The following PPRC1 variants were observed in gnomAD, a reference collection of about 807,000 sequenced individuals.
The protein encoded by PPRC1 is PPARG related coactivator 1, also known as peroxisome proliferator-activated receptor gamma coactivator-related protein 1.
PPRC1 carries 23 observed loss-of-function variants against 132.5 expected under a neutral mutation model. That is an observed-to-expected ratio of 0.17 (90% CI 0.12 to 0.25). The LOEUF (loss-of-function observed/expected upper bound fraction) is 0.25. Ranked by LOEUF, PPRC1 falls within the 10% of genes least tolerant of loss-of-function variation. The pLI is 1.00. For missense variants in PPRC1, 2,006 were observed against 2,089.1 expected (o/e 0.96, Z 0.78); for synonymous variants, 872 against 833.5 (o/e 1.05, Z -0.80).
chr10:102,148,907 G>C lies in PPRC1; in HGVS notation c.4708G>C (p.Glu1570Gln). The part of the protein sequence containing the change: ...KQRFSVFGEI[E>Q]ECTIHFRVQG... Reference sequence around the variant, plus strand: ...GAGGTTCTCCGTTTTTGGAGAGATTGAGGAGTGCACCATCCACTTCCGTGT... The same window carrying C: ...GAGGTTCTCCGTTTTTGGAGAGATTCAGGAGTGCACCATCCACTTCCGTGT... Residue 1570 changes from glutamate (E) to glutamine (Q), a missense_variant, in exon 12 of 14, where the codon GAG (glutamate) becomes CAG (glutamine). Physicochemically the swap from Glu to Gln is conservative, Grantham distance 29. Transcript: ENST00000278070. This position sits in a 1 kb window ranked among gnomAD's most constrained non-coding sequence, Gnocchi z 4.2. The C allele has an allele frequency of 3.7e-6, 6 of 1,614,206 alleles. No individual in the cohort carries two copies. The highest frequency in any genetic ancestry group is 5.1e-6 in the Non-Finnish European group (6 of 1,180,026).
chr10:102,120,614 G>A, the PPRC1 span, among the ~76,000 whole-genome samples: 1 of 151,886 alleles, frequency 6.6e-6, no homozygotes, highest in Admixed American at 6.5e-5. Flanking sequence ...CCGCGCGGCG[G>A]GCGGGCGGCG....
Position 102,148,378 on chromosome 10 carries a change from C to A in PPRC1, c.4407C>A (p.Ser1469Arg), listed in dbSNP as rs755158437. Reference protein sequence around the residue: ...SPPHKRWRRSSCSSSGRSRRC... With the variant: ...SPPHKRWRRSRCSSSGRSRRC... ...ATGCCCTCTTATCCTTCAGGTCCAG[C>A]TGTAGTTCCTCTGGACGTTCTCGAA... The change falls in exon 10 of 14, where the codon AGC (serine) becomes AGA (arginine). Residue 1469 changes from serine to arginine, a missense_variant. Transcript: ENST00000278070. This position sits in a 1 kb window ranked among gnomAD's most constrained non-coding sequence, Gnocchi z 4.2. 6.2e-7 allele frequency: 1 copy of A among 1,613,058 alleles called. No individual in the cohort carries two copies.
chr10:102,147,077 A>AGGCAGATCC lies in PPRC1; in HGVS notation c.4086_4094dup (p.Ala1363_Pro1365dup). On this transcript the variant is annotated inframe_insertion, in exon 9 of 14. Coordinates refer to ENST00000278070, the MANE Select transcript of PPRC1 (RefSeq NM_015062.5). Reference sequence around the variant, plus strand: ...CTTGATCACAGGACTAGCAGTGAGCAGGCAGATCCCTCAGCACCCTGCCTT... The same window carrying AGGCAGATCC: ...CTTGATCACAGGACTAGCAGTGAGCAGGCAGATCCGGCAGATCCCTCAGCACCCTGCCTT... 6.2e-7 allele frequency: 1 copy of AGGCAGATCC among 1,614,194 alleles called. No homozygotes were observed. The highest frequency in any genetic ancestry group is 8.5e-7 in the Non-Finnish European group (1 of 1,180,028).
chr10:102,125,864 CTTT>C, the PPRC1 span, among the ~76,000 whole-genome samples: 1 of 137,990 alleles, frequency 7.2e-6, no homozygotes, highest in Non-Finnish European at 1.6e-5. Flanking sequence ...TCTTTCTTTT[CTTT>C]TTTTTTTTTT....
At chr10:102,133,624 C>T (rs1433754628) in intron 1 of PPRC1, among the ~76,000 whole-genome samples, 3 of 151,974 alleles carry the variant, frequency 2.0e-5, no homozygotes, top group Non-Finnish European at 2.9e-5. Context: ...TCCCCTCCCC[C>T]TCTAGGCGGC....
chr10:102,127,740 C>T, the PPRC1 span, among the ~76,000 whole-genome samples: 15 of 151,744 alleles, frequency 9.9e-5, no homozygotes, highest in African/African-American at 2.9e-4. Context: ...TTAGTAGAGA[C>T]GGGGTTTCAC....
Position 102,147,065 on chromosome 10 carries a change from C to G in PPRC1, c.4073C>G (p.Thr1358Ser), listed in dbSNP as rs1455570645. Residue 1358 changes from threonine to serine, a missense_variant, in exon 9 of 14, where the codon ACT becomes AGT. This residue lies in a region of PPRC1 where 1,914 missense variants were observed against 1,917.2 expected (regional missense o/e 1.00). Transcript: ENST00000278070. ...AASREPLDHRTSSEQADPSAP... is the reference protein window; with the variant it reads ...AASREPLDHRSSSEQADPSAP... ...TCCCGGGAGCCGCTTGATCACAGGACTAGCAGTGAGCAGGCAGATCCCTCA... is the reference window on the plus strand; with the variant it reads ...TCCCGGGAGCCGCTTGATCACAGGAGTAGCAGTGAGCAGGCAGATCCCTCA... The G allele has an allele frequency of 6.2e-7, 1 of 1,614,042 alleles. No homozygotes were observed. The highest frequency in any genetic ancestry group is 8.5e-7 in the Non-Finnish European group (1 of 1,180,020).
chr10:102,149,915 T>C lies in PPRC1; in HGVS notation c.4892-11T>C, dbSNP rs1361185010. On this transcript the variant is annotated splice_polypyrimidine_tract_variant and intron_variant, in intron 13 of 13. Coordinates refer to ENST00000278070, the MANE Select transcript of PPRC1 (RefSeq NM_015062.5). ...GGTCAGAGACCTTGAAGTTTGTCTTTACCTTTATAGACTCCAACCGGGAAG... is the reference window on the plus strand; with the variant it reads ...GGTCAGAGACCTTGAAGTTTGTCTTCACCTTTATAGACTCCAACCGGGAAG... The C allele has an allele frequency of 2.1e-5, 33 of 1,595,274 alleles. No individual in the cohort carries two copies. The highest frequency in any genetic ancestry group is 2.8e-5 in the Non-Finnish European group (33 of 1,162,998).
chr10:102,139,217 T>A lies in PPRC1; in HGVS notation c.709T>A (p.Ser237Thr). 1 of 1,613,816 alleles carries A rather than the reference T, an allele frequency of 6.2e-7. No individual in the cohort carries two copies. The highest frequency in any genetic ancestry group is 2.2e-5 in the East Asian group (1 of 44,862). Residue 237 changes from serine (S) to threonine (T), a missense_variant, in exon 5 of 14, where the codon TCC becomes ACC. Ser to Thr is a moderately conservative substitution (Grantham distance 58). Around this residue, in one of 2 missense-constraint regions of PPRC1, gnomAD observed 1,914 missense variants for 1,917.2 expected, o/e 1.00. Transcript: ENST00000278070. ...PPRSRPRWGQ[S>T]PPPQQRSDGE... ...AAGATCAAGACCACGCTGGGGCCAA[T>A]CCCCACCTCCCCAGCAGCGCAGTGA...
chr10:102,145,010 C>A lies in PPRC1; in HGVS notation c.3609-10C>A. On this transcript the variant is annotated splice_polypyrimidine_tract_variant and intron_variant, in intron 7 of 13. Coordinates refer to ENST00000278070, the MANE Select transcript of PPRC1 (RefSeq NM_015062.5). ...AATGAATCAGGCTTTCCCTTTTCCC[C>A]CCCCGCCAGCGGCGTTGACATTCCC... The A allele has an allele frequency of 6.4e-7, 1 of 1,562,872 alleles. No individual in the cohort carries two copies.
Position 102,139,683 on chromosome 10 carries a change from C to T in PPRC1, c.1175C>T (p.Pro392Leu), listed in dbSNP as rs372304875. The T allele has an allele frequency of 2.8e-5, 45 of 1,613,984 alleles. No homozygotes were observed. The highest frequency in any genetic ancestry group is 3.6e-5 in the Non-Finnish European group (42 of 1,180,062). ...ETSSALQLLM[P>L]TLESETEAAV... ...AGTTCTGCCTTGCAGCTGCTTATGC[C>T]TACACTGGAGTCAGAGACAGAGGCT... Residue 392 changes from proline (P) to leucine (L), a missense_variant, in exon 5 of 14, where the codon CCT (proline) becomes CTT (leucine). Physicochemically the swap from Pro to Leu is moderately conservative, Grantham distance 98. This residue lies in a region of PPRC1 where 1,914 missense variants were observed against 1,917.2 expected (regional missense o/e 1.00). Transcript: ENST00000278070.
Position 102,133,086 on chromosome 10 carries a change from A to C in PPRC1, c.18A>C (p.Gly6=). 1.6e-6 allele frequency: 2 copies of C among 1,242,850 alleles called. No individual in the cohort carries two copies. The highest frequency in any genetic ancestry group is 1.0e-6 in the Non-Finnish European group (1 of 988,014). The allele number at this position is 1,242,850 out of a possible 1,614,324, so 77.0% of individuals were successfully genotyped here. A position where few individuals can be genotyped will look rare whatever the true frequency, so the allele number is the denominator to read the frequency against. The change falls in exon 1 of 14, where the codon GGA becomes GGC. Residue 6 remains glycine (G), a synonymous_variant. Coordinates refer to ENST00000278070, the MANE Select transcript of PPRC1 (RefSeq NM_015062.5). ...GGGCCAAGATGGCGGCGCGCCGGGG[A>C]CGGAGAGACGGAGTCGCGCCGCCCC... MAARR[G]RRDGVAPPPS...
chr10:102,146,868 C>T lies in PPRC1; in HGVS notation c.3876C>T (p.Gly1292=). Residue 1292 remains glycine, a synonymous_variant, in exon 9 of 14, where the codon GGC becomes GGT. Coordinates refer to ENST00000278070, the MANE Select transcript of PPRC1 (RefSeq NM_015062.5). ...ATGGCCCTAGTCGAGTCCATGTGGG[C>T]TCTGGGGACCATGACTATTGTGTCC... The part of the protein sequence containing the change: ...GVHGPSRVHV[G]SGDHDYCVRS... The T allele has an allele frequency of 6.2e-7, 1 of 1,614,084 alleles. No homozygotes were observed. Among genetic ancestry groups the T allele is most frequent in the Non-Finnish European group, 8.5e-7 (1 of 1,179,986 alleles).
At position 102,146,862 on chromosome 10, in the gene PPRC1, T is replaced by A. The variant is rs764210231; in HGVS notation, c.3870T>A (p.His1290Gln). The A allele has an allele frequency of 6.2e-7, 1 of 1,613,926 alleles. No individual in the cohort carries two copies. The highest frequency in any genetic ancestry group is 1.3e-5 in the African/African-American group (1 of 74,888). The change falls in exon 9 of 14, where the codon CAT (histidine) becomes CAA (glutamine). Residue 1290 changes from histidine (H) to glutamine (Q), a missense_variant. By Grantham distance (24) the His-to-Gln change is conservative. This residue lies in a region of PPRC1 where 1,914 missense variants were observed against 1,917.2 expected (regional missense o/e 1.00). Coordinates refer to ENST00000278070, the MANE Select transcript of PPRC1 (RefSeq NM_015062.5). Reference protein sequence around the residue: ...QEGVHGPSRVHVGSGDHDYCV... With the variant: ...QEGVHGPSRVQVGSGDHDYCV... ...GGGTCCATGGCCCTAGTCGAGTCCATGTGGGCTCTGGGGACCATGACTATT... is the reference window on the plus strand; with the variant it reads ...GGGTCCATGGCCCTAGTCGAGTCCAAGTGGGCTCTGGGGACCATGACTATT...
In PPRC1 at chr10:102,139,236, G is replaced by A. The variant is rs1228326899; in HGVS notation, c.728G>A (p.Arg243His). The change falls in exon 5 of 14, where the codon CGC becomes CAC. Residue 243 changes from arginine (R) to histidine (H), a missense_variant. Physicochemically the swap from Arg to His is conservative, Grantham distance 29. Around this residue, in one of 2 missense-constraint regions of PPRC1, gnomAD observed 1,914 missense variants for 1,917.2 expected, o/e 1.00. Coordinates refer to ENST00000278070, the MANE Select transcript of PPRC1 (RefSeq NM_015062.5). ...GGCCAATCCCCACCTCCCCAGCAGC[G>A]CAGTGATGGAGAAGAAGAGGAGGAG... Reference protein sequence around the residue: ...RWGQSPPPQQRSDGEEEEEVA... With the variant: ...RWGQSPPPQQHSDGEEEEEVA... 6.2e-7 allele frequency: 1 copy of A among 1,614,134 alleles called. No homozygotes were observed. Among genetic ancestry groups the A allele is most frequent in the Non-Finnish European group, 8.5e-7 (1 of 1,180,026 alleles).
Position 102,133,175 on chromosome 10 carries a change from G to A in PPRC1, c.107G>A (p.Ser36Asn). ...GARGSGWGSR[S>N]QAPYGTLGAV... ...CGCGGCAGTGGTTGGGGAAGTCGAA[G>A]CCAAGCGCCGTATGGGACTTTGGGC... Residue 36 changes from serine to asparagine, a missense_variant, in exon 1 of 14, where the codon AGC (serine) becomes AAC (asparagine). Ser to Asn is a conservative substitution (Grantham distance 46). Transcript: ENST00000278070. The A allele has an allele frequency of 7.8e-7, 1 of 1,273,942 alleles. No homozygotes were observed. Among genetic ancestry groups the A allele is most frequent in the East Asian group, 3.0e-5 (1 of 33,778 alleles). The allele number at this position is 1,273,942 out of a possible 1,614,324, so 78.9% of individuals were successfully genotyped here. A position where few individuals can be genotyped will look rare whatever the true frequency, so the allele number is the denominator to read the frequency against.
upstream of PPRC1, among the ~76,000 whole-genome samples, chr10:102,129,465 A>G (rs1428316451): frequency 6.6e-6 from 1 of 152,236 alleles, no homozygotes; most frequent in Non-Finnish European, 1.5e-5. Context: ...TGGAGACACC[A>G]GACTTAGATG....
chr10:102,140,463 A>C lies in PPRC1; in HGVS notation c.1955A>C (p.Asn652Thr). The stretch of plus-strand genomic sequence containing the variant: ...CCTGCAGTGGTTCCCATCTCAGATA[A>C]CTTGCCACCAGTTGATGCTGTCCCG... ...VDPAVVPISD[N>T]LPPVDAVPSG... Residue 652 changes from asparagine to threonine, a missense_variant, in exon 5 of 14, where the codon AAC (asparagine) becomes ACC (threonine). Transcript: ENST00000278070. 1 of 1,614,136 alleles carries C rather than the reference A, an allele frequency of 6.2e-7. No individual in the cohort carries two copies. The highest frequency in any genetic ancestry group is 8.5e-7 in the Non-Finnish European group (1 of 1,180,018).
At chr10:102,128,835 C>T (rs1425070163), upstream of PPRC1, among the ~76,000 whole-genome samples, 1 of 150,156 alleles carries the variant, frequency 6.7e-6, no homozygotes, top group African/African-American at 2.4e-5. Context: ...AGGATGGTCT[C>T]GATCTCCTGA....
Sources: allele counts gnomAD v4.1 joint callset (sites outside exome capture counted in the v4.1 genomes callset), GRCh38; gene constraint gnomAD v4.1.1; regional missense constraint gnomAD v4.1.1; non-coding constraint Gnocchi (gnomAD v3.1); transcripts MANE v1.5; gene names NCBI Gene and HGNC (gene_info 2026-07-23, HGNC 2026-07-21).